SKIDA1: variants seen among roughly 807,000 people sequenced by gnomAD.
SKIDA1 encodes the protein SKI/DACH domain containing 1, also known as SKI/DACH domain-containing protein 1.
Under a neutral mutation model 51.4 loss-of-function variants are expected in SKIDA1, and 18 were observed. The ratio of observed to expected loss-of-function variants is 0.35; its 90% confidence interval spans 0.24 to 0.52. The LOEUF (loss-of-function observed/expected upper bound fraction) is 0.52. SKIDA1 is among the 20% of genes least tolerant of loss of function. The pLI, the probability that SKIDA1 is intolerant of heterozygous loss-of-function variation, is 0.95. For synonymous variants in SKIDA1, 579 were observed against 500.5 expected (o/e 1.16, Z -2.09); for missense variants, 1,104 against 1,180.6 (o/e 0.94, Z 0.95).
chr10:21,520,740 T>C (rs1226594602), intron 3 of SKIDA1, among the ~76,000 whole-genome samples: 2 of 151,986 alleles, frequency 1.3e-5, no homozygotes, highest in Non-Finnish European at 2.9e-5. Context: ...TCTTCCTCTC[T>C]TTCCACCTTT....
Position 21,518,009 on chromosome 10 carries a change from G to A in SKIDA1, c.-187C>T, listed in dbSNP as rs1216382168. ...TCTAGGCGAAATTATTGGGGGGGGGGAAACCCCATGAAATTACACTGACTT... is the reference window on the plus strand; with the variant it reads ...TCTAGGCGAAATTATTGGGGGGGGGAAAACCCCATGAAATTACACTGACTT... On this transcript the variant is annotated 5_prime_UTR_variant, in exon 4 of 4. Transcript: ENST00000449193. 2.3e-5 allele frequency: 13 copies of A among 553,728 alleles called. No individual in the cohort carries two copies. The highest frequency in any genetic ancestry group is 7.7e-5 in the African/African-American group (4 of 52,152). 34.3% of individuals were successfully genotyped at this position (553,728 alleles called of 1,614,324 possible).
chr10:21,515,343 T>C lies in SKIDA1; in HGVS notation c.2480A>G (p.Asn827Ser). The stretch of plus-strand genomic sequence containing the variant: ...ATTGCTGGCTACCTTTTTGCGTCTG[T>C]TTATAACTGTAAAATCATCCAGTGT... ...EGTLDDFTVI[N>S]RRKKVASNVA... The change falls in exon 4 of 4, where the codon AAC becomes AGC. Residue 827 changes from asparagine (N) to serine (S), a missense_variant. Physicochemically the swap from Asn to Ser is conservative, Grantham distance 46 (BLOSUM62 1). Transcript: ENST00000449193. The C allele has an allele frequency of 1.2e-6, 2 of 1,614,036 alleles. No homozygotes were observed. The highest frequency in any genetic ancestry group is 1.7e-6 in the Non-Finnish European group (2 of 1,179,898).
chr10:21,522,677 T>C (rs1362901798), intron 2 of SKIDA1, among the ~76,000 whole-genome samples: 1 of 152,206 alleles, frequency 6.6e-6, no homozygotes, highest in East Asian at 1.9e-4. Context: ...ATTTTTTTTC[T>C]TTCTGGTTCA....
In SKIDA1 at chr10:21,516,395, G is replaced by A; in HGVS notation, c.1428C>T (p.Ser476=). ...FRRTSFCKPP[S]VQAQANFLYH... is the part of the protein sequence containing the mutation. ...ACAAGAAGTTGGCCTGCGCCTGCAC[G>A]CTGGGAGGCTTGCAGAAGCTGGTGC... Residue 476 remains serine (S), a synonymous_variant, in exon 4 of 4, where the codon AGC becomes AGT. Coordinates refer to ENST00000449193, the MANE Select transcript of SKIDA1 (RefSeq NM_207371.4). This position sits in a 1 kb window ranked among gnomAD's most constrained non-coding sequence, Gnocchi z 5.7. 6.2e-7 allele frequency: 1 copy of A among 1,613,448 alleles called. No homozygotes were observed. Among genetic ancestry groups the A allele is most frequent in the Non-Finnish European group, 8.5e-7 (1 of 1,179,888 alleles).
At position 21,519,159 on chromosome 10, in the gene SKIDA1, AT is replaced by A. The variant is rs1244059965; in HGVS notation, c.-1338del. 3 of 167,054 alleles carry A rather than the reference AT, an allele frequency of 1.8e-5. No homozygotes were observed. The highest frequency in any genetic ancestry group is 4.4e-5 in the Non-Finnish European group (3 of 68,122). 10.3% of individuals were successfully genotyped at this position (167,054 alleles called of 1,614,324 possible). On this transcript the variant is annotated 5_prime_UTR_variant, in exon 4 of 4. Coordinates refer to ENST00000449193, the MANE Select transcript of SKIDA1 (RefSeq NM_207371.4). Reference sequence around the variant, plus strand: ...CACAGGTCAGAATTCCAGGGAGCAGATTGCTTCCTTCTGCAGCAAAGAAAAG... The same window carrying A: ...CACAGGTCAGAATTCCAGGGAGCAGATGCTTCCTTCTGCAGCAAAGAAAAG...
intron 1 of SKIDA1, 149 bp downstream of exon 1, chr10:21,525,398 T>G (rs2032680740): frequency 6.6e-6 from 1 of 152,164 alleles, no homozygotes. Context: ...GCTGAATAAG[T>G]GACCAAGTGC....
rs1433765507 is a variant in SKIDA1 at position 21,516,335 on chromosome 10, G to A, written c.1488C>T (p.Pro496=). ...GTCTGCCGGCATCCTCGAAAGCAGCGGGTTTGGTTGCAGCGGCGGCGGAGG... is the reference window on the plus strand; with the variant it reads ...GTCTGCCGGCATCCTCGAAAGCAGCAGGTTTGGTTGCAGCGGCGGCGGAGG... ...HLASAAAATK[P]AAFEDAGRLP... Residue 496 remains proline (P), a synonymous_variant, in exon 4 of 4, where the codon CCC becomes CCT. Coordinates refer to ENST00000449193, the MANE Select transcript of SKIDA1 (RefSeq NM_207371.4). This position sits in a 1 kb window ranked among gnomAD's most constrained non-coding sequence, Gnocchi z 5.7. 1.2e-6 allele frequency: 2 copies of A among 1,613,656 alleles called. No homozygotes were observed. Among genetic ancestry groups the A allele is most frequent in the South Asian group, 2.2e-5 (2 of 91,082 alleles).
In SKIDA1 at chr10:21,515,060, GT is replaced by G. The variant is rs944312365; in HGVS notation, c.*35del. 23 of 1,528,428 alleles carry G rather than the reference GT, an allele frequency of 1.5e-5. No homozygotes were observed. In the African/African-American group the frequency reaches 2.9e-4, roughly 19 times the overall value. The allele number at this position is 1,528,428 out of a possible 1,614,324, so 94.7% of individuals were successfully genotyped here. ...CTGTGCAGTTTACAACAAAAGGAAG[GT>G]AATATGGTTCAAGAAAATATCTTCC... is the stretch of plus-strand genomic sequence containing the variant. On this transcript the variant is annotated 3_prime_UTR_variant, in exon 4 of 4. Coordinates refer to ENST00000449193, the MANE Select transcript of SKIDA1 (RefSeq NM_207371.4).
At position 21,517,386 on chromosome 10, in the gene SKIDA1, G is replaced by A; in HGVS notation, c.437C>T (p.Ala146Val). The A allele has an allele frequency of 3.5e-6, 5 of 1,418,152 alleles. No homozygotes were observed. The highest frequency in any genetic ancestry group is 4.6e-6 in the Non-Finnish European group (5 of 1,094,034). The allele number at this position is 1,418,152 out of a possible 1,614,324, so 87.8% of individuals were successfully genotyped here. A position where few individuals can be genotyped will look rare whatever the true frequency, so the allele number is the denominator to read the frequency against. The change falls in exon 4 of 4, where the codon GCG becomes GTG. Residue 146 changes from alanine (A) to valine (V), a missense_variant. Coordinates refer to ENST00000449193, the MANE Select transcript of SKIDA1 (RefSeq NM_207371.4). This position sits in a 1 kb window ranked among gnomAD's most constrained non-coding sequence, Gnocchi z 6.9. ...HQLWRGLSGA[A>V]RPLPISAQSQ... ...CTGCGCGCTGATTGGCAGGGGCCGC[G>A]CGGCTCCGCTCAGGCCCCGCCAAAG...
In SKIDA1 at chr10:21,513,845, TCATTTTCTTTTTC is replaced by T. The variant is rs2032106144; in HGVS notation, c.*1238_*1250del. ...TTTGGGGTATTGCAACTCTGACCCCTCATTTTCTTTTTCTTGGTTGTATTTACTGATTTGTCAC... is the reference window on the plus strand; with the variant it reads ...TTTGGGGTATTGCAACTCTGACCCCTTTGGTTGTATTTACTGATTTGTCAC... On this transcript the variant is annotated 3_prime_UTR_variant, in exon 4 of 4. Coordinates refer to ENST00000449193, the MANE Select transcript of SKIDA1 (RefSeq NM_207371.4). 1 of 152,194 alleles carries T rather than the reference TCATTTTCTTTTTC, an allele frequency of 6.6e-6. No individual in the cohort carries two copies. The highest frequency in any genetic ancestry group is 2.1e-4 in the South Asian group (1 of 4,830). 9.4% of individuals were successfully genotyped at this position (152,194 alleles called of 1,614,324 possible). A position where few individuals can be genotyped will look rare whatever the true frequency, so the allele number is the denominator to read the frequency against.
chr10:21,524,200 A>T (rs1031268248), intron 1 of SKIDA1, among the ~76,000 whole-genome samples: 2 of 152,192 alleles, frequency 1.3e-5, no homozygotes, highest in Admixed American at 6.5e-5. Flanking sequence ...CAACATTTTA[A>T]TTCAAACTTC....
Position 21,517,277 on chromosome 10 carries a change from C to G in SKIDA1, c.546G>C (p.Pro182=). ...IFSKYPGSHY[P]EIVRSPCKPP... Reference sequence around the variant, plus strand: ...GTTTGCACGGCGAGCGCACGATCTCCGGGTAGTGCGAGCCGGGGTATTTGC... The same window carrying G: ...GTTTGCACGGCGAGCGCACGATCTCGGGGTAGTGCGAGCCGGGGTATTTGC... The change falls in exon 4 of 4, where the codon CCG becomes CCC. Residue 182 remains proline, a synonymous_variant. Coordinates refer to ENST00000449193, the MANE Select transcript of SKIDA1 (RefSeq NM_207371.4). The surrounding 1 kb of genome is among the most constrained non-coding windows in gnomAD (Gnocchi z 6.9). 2 of 1,470,038 alleles carry G rather than the reference C, an allele frequency of 1.4e-6. No homozygotes were observed. The highest frequency in any genetic ancestry group is 1.8e-6 in the Non-Finnish European group (2 of 1,108,436). 91.1% of individuals were successfully genotyped at this position (1,470,038 alleles called of 1,614,324 possible).
In SKIDA1 at chr10:21,517,619, C is replaced by G; in HGVS notation, c.204G>C (p.Lys68Asn). ...HCDLEELRKL[K>N]AINSIAFHAA... Reference sequence around the variant, plus strand: ...CGTGGAAGGCGATGCTGTTAATTGCCTTGAGTTTCCGCAACTCCTCCAGAT... The same window carrying G: ...CGTGGAAGGCGATGCTGTTAATTGCGTTGAGTTTCCGCAACTCCTCCAGAT... Residue 68 changes from lysine to asparagine, a missense_variant, in exon 4 of 4, where the codon AAG (lysine) becomes AAC (asparagine). This residue lies in a region of SKIDA1 where 54 missense variants were observed against 126.0 expected (regional missense o/e 0.43). Transcript: ENST00000449193. The surrounding 1 kb of genome is among the most constrained non-coding windows in gnomAD (Gnocchi z 6.9). The G allele has an allele frequency of 1.2e-6, 2 of 1,613,904 alleles. No homozygotes were observed. Among genetic ancestry groups the G allele is most frequent in the Non-Finnish European group, 1.7e-6 (2 of 1,179,812 alleles).
chr10:21,515,308 C>G lies in SKIDA1; in HGVS notation c.2515G>C (p.Ala839Pro), dbSNP rs753835762. 2.2e-5 allele frequency: 35 copies of G among 1,614,036 alleles called. No homozygotes were observed. The East Asian group carries it at 4.7e-4, about 22-fold the overall frequency. Residue 839 changes from alanine to proline, a missense_variant, in exon 4 of 4, where the codon GCA becomes CCA. Ala to Pro is a conservative substitution (Grantham distance 27, BLOSUM62 -1). This residue lies in a region of SKIDA1 where 112 missense variants were observed against 168.3 expected (regional missense o/e 0.67). Transcript: ENST00000449193. The stretch of plus-strand genomic sequence containing the variant: ...ATGAAATGAAATGGCCTTTTCACTG[C>G]TGATGCTACATTGCTGGCTACCTTT... ...RKKVASNVAS[A>P]VKRPFHFMAN...
intron 3 of SKIDA1, among the ~76,000 whole-genome samples, chr10:21,520,799 TA>T (rs1446155055): frequency 5.3e-5 from 8 of 152,142 alleles, no homozygotes; most frequent in South Asian, 2.1e-4. Context: ...CATATTAAGT[TA>T]TTTTTTTTTA....
chr10:21,517,500 A>G lies in SKIDA1; in HGVS notation c.323T>C (p.Val108Ala). 6.4e-7 allele frequency: 1 copy of G among 1,555,508 alleles called. No homozygotes were observed. The highest frequency in any genetic ancestry group is 8.7e-7 in the Non-Finnish European group (1 of 1,150,136). ...CGCCTTTGTGGCCAGGGCCCGGCCG[A>G]CCCGCCTGCGCTTGGTCTTGAGGAC... Reference protein sequence around the residue: ...ERVLKTKRRRVGRALATKAPP... With the variant: ...ERVLKTKRRRAGRALATKAPP... Residue 108 changes from valine (V) to alanine (A), a missense_variant, in exon 4 of 4, where the codon GTC becomes GCC. Physicochemically the swap from Val to Ala is moderately conservative, Grantham distance 64. Coordinates refer to ENST00000449193, the MANE Select transcript of SKIDA1 (RefSeq NM_207371.4). The surrounding 1 kb of genome is among the most constrained non-coding windows in gnomAD (Gnocchi z 6.9).
Position 21,516,689 on chromosome 10 carries a change from G to C in SKIDA1, c.1134C>G (p.Ser378Arg), listed in dbSNP as rs1226604330. 1.3e-6 allele frequency: 2 copies of C among 1,551,538 alleles called. No individual in the cohort carries two copies. Among genetic ancestry groups the C allele is most frequent in the Non-Finnish European group, 1.7e-6 (2 of 1,146,940 alleles). Residue 378 changes from serine to arginine, a missense_variant, in exon 4 of 4, where the codon AGC becomes AGG. Physicochemically the swap from Ser to Arg is moderately radical, Grantham distance 110. Transcript: ENST00000449193. This position sits in a 1 kb window ranked among gnomAD's most constrained non-coding sequence, Gnocchi z 5.7. ...PQPHLGSFPE[S>R]CSSDSESSSY... is the part of the protein sequence containing the mutation. The stretch of plus-strand genomic sequence containing the variant: ...AGCTGGACTCGGAGTCGCTGCTGCA[G>C]CTCTCGGGAAAGCTGCCCAGATGGG...
rs1210631594 is a variant in SKIDA1, at chr10:21,515,982, T to C, written c.1841A>G (p.Asn614Ser). ...ATTTAAGAACCTAGCAGCTATTGTG[T>C]TGTTATCTGCACAGTGTGTAGTAGG... ...TTPTTHCADN[N>S]TIAARFLNND... The change falls in exon 4 of 4, where the codon AAC becomes AGC. Residue 614 changes from asparagine to serine, a missense_variant. Physicochemically the swap from Asn to Ser is conservative, Grantham distance 46 (BLOSUM62 1). This residue lies in a region of SKIDA1 where 938 missense variants were observed against 886.4 expected (regional missense o/e 1.06). Coordinates refer to ENST00000449193, the MANE Select transcript of SKIDA1 (RefSeq NM_207371.4). 6.2e-7 allele frequency: 1 copy of C among 1,613,976 alleles called. No individual in the cohort carries two copies. Among genetic ancestry groups the C allele is most frequent in the Non-Finnish European group, 8.5e-7 (1 of 1,179,860 alleles).
chr10:21,516,382 C>A lies in SKIDA1; in HGVS notation c.1441G>T (p.Ala481Ser). 6.2e-7 allele frequency: 1 copy of A among 1,613,334 alleles called. No individual in the cohort carries two copies. The highest frequency in any genetic ancestry group is 8.5e-7 in the Non-Finnish European group (1 of 1,179,878). Residue 481 changes from alanine (A) to serine (S), a missense_variant, in exon 4 of 4, where the codon GCC (alanine) becomes TCC (serine). Around this residue, in one of 3 missense-constraint regions of SKIDA1, gnomAD observed 938 missense variants for 886.4 expected, o/e 1.06. Transcript: ENST00000449193. The surrounding 1 kb of genome is among the most constrained non-coding windows in gnomAD (Gnocchi z 5.7). ...GAGGCCAGATGGTACAAGAAGTTGG[C>A]CTGCGCCTGCACGCTGGGAGGCTTG... ...FCKPPSVQAQ[A>S]NFLYHLASAA... is the part of the protein sequence containing the mutation.
Sources: allele counts gnomAD v4.1 joint callset (sites outside exome capture counted in the v4.1 genomes callset), GRCh38; gene constraint gnomAD v4.1.1; regional missense constraint gnomAD v4.1.1; non-coding constraint Gnocchi (gnomAD v3.1); transcripts MANE v1.5; gene names NCBI Gene and HGNC (gene_info 2026-07-23, HGNC 2026-07-21).